Variants in ERCC2 observed in about 807,000 individuals in gnomAD.
The protein encoded by ERCC2 is ERCC excision repair 2, TFIIH core complex helicase subunit.
A neutral mutation model predicts 99.4 loss-of-function variants in ERCC2; 90 were observed. The ratio of observed to expected loss-of-function variants is 0.91; its 90% CI spans 0.76 to 1.08. ERCC2 has a LOEUF of 1.08. Ranked by LOEUF, ERCC2 falls within the 50% of genes least tolerant of loss-of-function variation. The pLI is 0.00. For synonymous variants in ERCC2, 497 were observed against 432.4 expected, an observed-to-expected ratio of 1.15 and a Z score of -1.85; for missense variants, 993 against 1,038.1, an observed-to-expected ratio of 0.96 and a Z score of 0.60.
At chr19:45,362,164 T>A (rs1324548258) in intron 11 of ERCC2, among the ~76,000 whole-genome samples, 1 of 152,128 alleles carries the variant, frequency 6.6e-6, no homozygotes, top group Admixed American at 6.6e-5. Context: ...GACCTCGTGA[T>A]CCACCTGCCT....
chr19:45,354,111 C>A (rs1456141579), intron 17 of ERCC2, among the ~76,000 whole-genome samples: 3 of 152,204 alleles, frequency 2.0e-5, no homozygotes, highest in African/African-American at 7.2e-5. Context: ...GCCAAGTTCA[C>A]TCACCTCACC....
At chr19:45,356,536 G>C (rs528573578) in intron 15 of ERCC2, among the ~76,000 whole-genome samples, 1 of 152,292 alleles carries the variant, frequency 6.6e-6, no homozygotes, top group East Asian at 1.9e-4. Context: ...ATGGCTGCGC[G>C]CAGTGGCTTA....
At chr19:45,361,731 C>A in intron 11 of ERCC2, 89 bp from the exon 12 acceptor site, 1 of 994,016 alleles carries the variant, frequency 1.0e-6, no homozygotes, top group South Asian at 1.3e-5. Flanking sequence ...CGGTCACGTG[C>A]CTGTCTCCCC....
intron 12 of ERCC2, 45 bp from the exon 13 acceptor site, chr19:45,357,744 C>G: frequency 6.5e-7 from 1 of 1,536,782 alleles, no homozygotes. Flanking sequence ...CCACTACAGC[C>G]ACAGCTGCAC....
rs746636293 is a variant in ERCC2 at position 45,354,870 on chromosome 19, TG to T, written c.1544-20del. On this transcript the variant is annotated intron_variant, in intron 16 of 22. Coordinates refer to ENST00000391945, the MANE Select transcript of ERCC2 (RefSeq NM_000400.4). ...ATCACAGCTGCAAGGGGTCAGAGGT[TG>T]GGCCCTCTCCTGGCCCAGGTCCTCC... The T allele has an allele frequency of 6.2e-7, 1 of 1,613,752 alleles. No individual in the cohort carries two copies. Among genetic ancestry groups the T allele is most frequent in the Non-Finnish European group, 8.5e-7 (1 of 1,179,774 alleles).
At chr19:45,355,351 T>A (rs1178216127) in intron 16 of ERCC2, among the ~76,000 whole-genome samples, 1 of 152,144 alleles carries the variant, frequency 6.6e-6, no homozygotes, top group East Asian at 1.9e-4. Flanking sequence ...AGCAAGACTC[T>A]GTCTCAAAAA....
At position 45,364,451 on chromosome 19, in the gene ERCC2, C is replaced by T. The variant is rs200895828; in HGVS notation, c.691G>A (p.Val231Met). The change falls in exon 8 of 23, where the codon GTG becomes ATG. Residue 231 changes from valine (V) to methionine (M), a missense_variant. Physicochemically the swap from Val to Met is conservative, Grantham distance 21. This residue lies in a region of ERCC2 where 909 missense variants were observed against 930.8 expected (regional missense o/e 0.98). Transcript: ENST00000391945. Reference protein sequence around the residue: ...VSKELARKAVVVFDEAHNIDN... With the variant: ...VSKELARKAVMVFDEAHNIDN... ...ATGTTGTGGGCCTCGTCGAAGACCA[C>T]GACGGCCTTGCGGGCCAGTTCCTTG... 82 of 1,613,978 alleles carry T rather than the reference C, an allele frequency of 5.1e-5. No individual in the cohort carries two copies. In the East Asian group the frequency reaches 9.8e-4, roughly 19 times the overall value.
At position 45,368,624 on chromosome 19, in the gene ERCC2, G is replaced by C; in HGVS notation, c.360+6C>G. 1 of 1,575,058 alleles carries C rather than the reference G, an allele frequency of 6.3e-7. No individual in the cohort carries two copies. The highest frequency in any genetic ancestry group is 2.2e-5 in the East Asian group (1 of 44,722). On this transcript the variant is annotated splice_donor_region_variant and intron_variant, in intron 5 of 22. Coordinates refer to ENST00000391945, the MANE Select transcript of ERCC2 (RefSeq NM_000400.4). The stretch of plus-strand genomic sequence containing the variant: ...CTAAGGGCAAGGAGAAGGAACAGGT[G>C]CTCACCTCAGGGTGAATACACAAGT...
intron 11 of ERCC2, among the ~76,000 whole-genome samples, chr19:45,362,406 C>A (rs1032502450): frequency 6.6e-6 from 1 of 152,226 alleles, no homozygotes; most frequent in Non-Finnish European, 1.5e-5. Context: ...GGAATGCAGT[C>A]AACACCCACA....
At chr19:45,358,849 G>A (rs775505141) in intron 12 of ERCC2, 4 of 780,846 alleles carry the variant, frequency 5.1e-6, no homozygotes, top group Admixed American at 5.1e-5. Context: ...TGGAATATAA[G>A]TTCTGGGGGG....
At chr19:45,356,626 G>A (rs106433) in intron 15 of ERCC2, among the ~76,000 whole-genome samples, 105,489 of 152,052 alleles carry the variant, frequency 0.69, 37,733 homozygotes, top group African/African-American at 0.88. Flanking sequence ...CCTGGCCAAC[G>A]TGGTGAAACC....
At position 45,354,788 on chromosome 19, in the gene ERCC2, AC is replaced by A; in HGVS notation, c.1606del (p.Val536TrpfsTer173). On this transcript the variant is annotated frameshift_variant, in exon 17 of 23. Transcript: ENST00000391945. LOFTEE classifies it high-confidence loss of function. ...GTACTGGTAGCTGGTGAAGAAGGCC[AC>A]GATGCCATCAGGGACCACAGCGGAC... ...EMSAVVPDGI[V>X]AFFTSYQYME... 6.2e-7 allele frequency: 1 copy of A among 1,614,130 alleles called. No homozygotes were observed. Among genetic ancestry groups the A allele is most frequent in the Non-Finnish European group, 8.5e-7 (1 of 1,179,988 alleles).
intron 12 of ERCC2, among the ~76,000 whole-genome samples, chr19:45,359,587 T>C (rs1252959326): frequency 6.6e-6 from 1 of 152,134 alleles, no homozygotes; most frequent in African/African-American, 2.4e-5. Context: ...CATCAGCCTC[T>C]ACTCCTCTTG....
Position 45,364,427 on chromosome 19 carries a change from T to C in ERCC2, c.715A>G (p.Ile239Val), listed in dbSNP as rs1450286298. 2 of 1,613,972 alleles carry C rather than the reference T, an allele frequency of 1.2e-6. No individual in the cohort carries two copies. The highest frequency in any genetic ancestry group is 1.7e-6 in the Non-Finnish European group (2 of 1,180,008). The change falls in exon 8 of 23, where the codon ATT becomes GTT. Residue 239 changes from isoleucine to valine, a missense_variant. By Grantham distance (29) the Ile-to-Val change is conservative (BLOSUM62 3). Transcript: ENST00000391945. ...AVVVFDEAHN[I>V]DNVCIDSMSV... is the part of the protein sequence containing the mutation. ...TGGCCCCTGGCGCCCCCCTCACCAATGTTGTGGGCCTCGTCGAAGACCACG... is the reference window on the plus strand; with the variant it reads ...TGGCCCCTGGCGCCCCCCTCACCAACGTTGTGGGCCTCGTCGAAGACCACG...
At chr19:45,357,891 C>G (rs938631612) in intron 12 of ERCC2, 192 bp from the exon 13 acceptor site, 14 of 635,370 alleles carry the variant, frequency 2.2e-5, no homozygotes, top group Middle Eastern at 3.9e-4. Context: ...CCCAACCTGT[C>G]CGCTTCGGGC....
intron 19 of ERCC2, 27 bp downstream of exon 19, chr19:45,353,056 T>C (rs772146173): frequency 5.8e-5 from 94 of 1,607,152 alleles, no homozygotes; most frequent in Admixed American, 1.8e-4. Flanking sequence ...GGAAGACACC[T>C]GGGGAGGAAG....
Position 45,352,181 on chromosome 19 carries a change from G to A in ERCC2, c.2190+28C>T. The A allele has an allele frequency of 2.5e-6, 4 of 1,611,926 alleles. No homozygotes were observed. The South Asian group carries it at 3.3e-5, about 13-fold the overall frequency. On this transcript the variant is annotated intron_variant, in intron 22 of 22. Transcript: ENST00000391945. ...CTGGAGGAGAAGCTCAGCCTGGGAG[G>A]GTGCCGGGAGGGGGACGCAGGCCTC...
At position 45,364,990 on chromosome 19, in the gene ERCC2, T is replaced by C. The variant is rs759186729; in HGVS notation, c.478-36A>G. 7 of 1,608,068 alleles carry C rather than the reference T, an allele frequency of 4.4e-6. No homozygotes were observed. The Admixed American group carries it at 1.0e-4, about 23-fold the overall frequency. On this transcript the variant is annotated intron_variant, in intron 6 of 22. Coordinates refer to ENST00000391945, the MANE Select transcript of ERCC2 (RefSeq NM_000400.4). Reference sequence around the variant, plus strand: ...AGTGCCAGGGGTCAGGGAGGCTGCCTGCCCCAGGCTACCTGTCCTGCCTCC... The same window carrying C: ...AGTGCCAGGGGTCAGGGAGGCTGCCCGCCCCAGGCTACCTGTCCTGCCTCC...
Position 45,357,923 on chromosome 19 carries a change from CGA to C in ERCC2, c.1238-226_1238-225del, listed in dbSNP as rs746476822. 1.0e-5 allele frequency: 6 copies of C among 602,698 alleles called. No individual in the cohort carries two copies. The South Asian group carries it at 1.1e-4, about 11-fold the overall frequency. 37.3% of individuals were successfully genotyped at this position (602,698 alleles called of 1,614,324 possible). ...GGGCCCACACCTGTGCAAACTTTCACGAAGGATCCCAAGTAGAGAGCCCACAG... is the reference window on the plus strand; with the variant it reads ...GGGCCCACACCTGTGCAAACTTTCACAGGATCCCAAGTAGAGAGCCCACAG... On this transcript the variant is annotated intron_variant, in intron 12 of 22. Coordinates refer to ENST00000391945, the MANE Select transcript of ERCC2 (RefSeq NM_000400.4).
Sources: allele counts gnomAD v4.1 joint callset (sites outside exome capture counted in the v4.1 genomes callset), GRCh38; gene constraint gnomAD v4.1.1; regional missense constraint gnomAD v4.1.1; transcripts MANE v1.5; gene names NCBI Gene and HGNC (gene_info 2026-07-23, HGNC 2026-07-21).